Variants in CRPPA observed in about 807,000 individuals in gnomAD.
The protein encoded by CRPPA is CDP-L-ribitol pyrophosphorylase A, also known as D-ribitol-5-phosphate cytidylyltransferase.
A neutral mutation model predicts 52.0 loss-of-function variants in CRPPA; 43 were observed. The ratio of observed to expected loss-of-function variants is 0.83; its 90% CI spans 0.65 to 1.07. The LOEUF is 1.07. Among genes scored for constraint, CRPPA ranks in the 50% least tolerant of loss-of-function variants. The probability of loss-of-function intolerance (pLI) is 0.00; values close to 1 mark genes in which losing one functional copy is unlikely to be tolerated. For synonymous variants in CRPPA, 250 were observed against 203.5 expected, an observed-to-expected ratio of 1.23 and a Z score of -1.94; for missense variants, 629 against 551.7, an observed-to-expected ratio of 1.14 and a Z score of -1.40.
rs371138977 is a variant in CRPPA, at chr7:16,196,489, A to C, written c.1251+19577T>G. On this transcript the variant is annotated intron_variant, in intron 9 of 9. Coordinates refer to ENST00000407010, the MANE Select transcript of CRPPA (RefSeq NM_001101426.4). ...GAAGAAAATAAAATATACAATCAGA[A>C]ATAGTGAGGTTATCTTCGGCTAGGA... 5.3e-5 allele frequency among the ~76,000 whole-genome samples: 8 copies of C among 152,292 alleles called. No individual in the cohort carries two copies. The East Asian group carries it at 1.4e-3, about 26-fold the overall frequency.
intron 3 of CRPPA, among the ~76,000 whole-genome samples, chr7:16,340,527 T>C (rs1356407630): frequency 1.4e-5 from 2 of 143,312 alleles, no homozygotes; most frequent in African/African-American, 2.6e-5. Context: ...AGTAAAACAA[T>C]AAGATAATAG....
chr7:16,419,019 T>C (rs972967220), intron 1 of CRPPA, among the ~76,000 whole-genome samples: 1 of 152,212 alleles, frequency 6.6e-6, no homozygotes, highest in Non-Finnish European at 1.5e-5. Flanking sequence ...TGCCTTCATA[T>C]ATGAGCTATG....
chr7:16,205,427 G>A (rs1038523170), intron 9 of CRPPA, among the ~76,000 whole-genome samples: 1 of 152,088 alleles, frequency 6.6e-6, no homozygotes, highest in Non-Finnish European at 1.5e-5. Flanking sequence ...TATTGGCCAG[G>A]TCACTTGTTA....
chr7:16,219,653 T>A lies in CRPPA; in HGVS notation c.1120-3456A>T, dbSNP rs1382580122. Among the ~76,000 whole-genome samples, 8 of 112,100 alleles carry A rather than the reference T, an allele frequency of 7.1e-5. No individual in the cohort carries two copies. The Admixed American group carries it at 8.4e-4, about 12-fold the overall frequency. The allele number at this position is 112,100 out of a possible 152,430, so 73.5% of individuals were successfully genotyped here. On this transcript the variant is annotated intron_variant, in intron 8 of 9. Transcript: ENST00000407010. ...AGAAATACAAACTACCATCAGAGAA[T>A]ACTACAAACACCTCTACGCAAATAA...
At chr7:16,259,602 T>G (rs1202981269) in intron 6 of CRPPA, among the ~76,000 whole-genome samples, 1 of 151,990 alleles carries the variant, frequency 6.6e-6, no homozygotes, top group African/African-American at 2.4e-5. Context: ...CAAACTTTCC[T>G]AGTAAGATTT....
At chr7:16,219,245 G>T (rs1583440379) in intron 8 of CRPPA, among the ~76,000 whole-genome samples, 1 of 151,082 alleles carries the variant, frequency 6.6e-6, no homozygotes, top group East Asian at 2.0e-4. Context: ...TGAAATCAAT[G>T]AGAACAAAGA....
chr7:16,141,744 C>T (rs534409167), intron 9 of CRPPA, among the ~76,000 whole-genome samples: 1 of 152,306 alleles, frequency 6.6e-6, no homozygotes, highest in African/African-American at 2.4e-5. Flanking sequence ...ATAATATATG[C>T]ATGTACTCAT....
intron 8 of CRPPA, among the ~76,000 whole-genome samples, chr7:16,240,003 C>A (rs1053127249): frequency 4.6e-5 from 7 of 151,948 alleles, no homozygotes; most frequent in Admixed American, 4.6e-4. Flanking sequence ...CTATGAGAAT[C>A]ATTTCTTTAC....
chr7:16,393,681 A>G (rs1346980532), intron 2 of CRPPA, among the ~76,000 whole-genome samples: 1 of 152,140 alleles, frequency 6.6e-6, no homozygotes, highest in Non-Finnish European at 1.5e-5. Flanking sequence ...TAAACCAGGC[A>G]AAAACAAAAA....
At chr7:16,163,457 G>C (rs972020074) in intron 9 of CRPPA, among the ~76,000 whole-genome samples, 1 of 151,872 alleles carries the variant, frequency 6.6e-6, no homozygotes, top group African/African-American at 2.4e-5. Flanking sequence ...GATGGGTCTT[G>C]ACTCTTTATC....
intron 3 of CRPPA, among the ~76,000 whole-genome samples, chr7:16,354,939 T>C (rs567190645): frequency 6.6e-6 from 1 of 152,136 alleles, no homozygotes; most frequent in South Asian, 2.1e-4. Flanking sequence ...CAAATAAAGG[T>C]AGACAATATG....
chr7:16,366,235 C>G (rs1786585257), intron 3 of CRPPA, among the ~76,000 whole-genome samples: 1 of 152,146 alleles, frequency 6.6e-6, no homozygotes, highest in South Asian at 2.1e-4. Context: ...CCCAAAGGTG[C>G]CACCTCTCAA....
At chr7:16,370,458 T>C (rs962776442) in intron 3 of CRPPA, among the ~76,000 whole-genome samples, 1 of 152,100 alleles carries the variant, frequency 6.6e-6, no homozygotes, top group Non-Finnish European at 1.5e-5. Flanking sequence ...CTTGCAGACA[T>C]TCCCCAGCAC....
At chr7:16,244,674 G>T (rs1370874279) in intron 8 of CRPPA, among the ~76,000 whole-genome samples, 1 of 152,128 alleles carries the variant, frequency 6.6e-6, no homozygotes, top group Non-Finnish European at 1.5e-5. Context: ...TGATGACGCT[G>T]CAAATGACAA....
In CRPPA at chr7:16,291,952, C is replaced by G. The variant is rs978900720; in HGVS notation, c.835+9469G>C. On this transcript the variant is annotated intron_variant, in intron 5 of 9. Transcript: ENST00000407010. Reference sequence around the variant, plus strand: ...TAGATATACATACATTTACTTATTTCCATCTGGAAGTAGAAAATTTCAATT... The same window carrying G: ...TAGATATACATACATTTACTTATTTGCATCTGGAAGTAGAAAATTTCAATT... Among the ~76,000 whole-genome samples, 4 of 151,786 alleles carry G rather than the reference C, an allele frequency of 2.6e-5. No individual in the cohort carries two copies. The East Asian group carries it at 7.7e-4, about 29-fold the overall frequency.
Position 16,091,762 on chromosome 7 carries a change from G to T in CRPPA, c.1289C>A (p.Ala430Asp). 6.4e-7 allele frequency: 1 copy of T among 1,559,452 alleles called. No individual in the cohort carries two copies. The highest frequency in any genetic ancestry group is 2.3e-5 in the East Asian group (1 of 42,802). ...CTTGATTAATGAAGCAATAATGATAGCACCTTGCCTTAAACTCTCCTGTAG... is the reference window on the plus strand; with the variant it reads ...CTTGATTAATGAAGCAATAATGATATCACCTTGCCTTAAACTCTCCTGTAG... ...QKLQESLRQG[A>D]IIIASLIKER... Residue 430 changes from alanine (A) to aspartate (D), a missense_variant, in exon 10 of 10, where the codon GCT becomes GAT. Ala to Asp is a moderately radical substitution (Grantham distance 126). Transcript: ENST00000407010.
At chr7:16,399,579 G>T (rs1194654095) in intron 2 of CRPPA, among the ~76,000 whole-genome samples, 1 of 151,852 alleles carries the variant, frequency 6.6e-6, no homozygotes, top group African/African-American at 2.4e-5. Flanking sequence ...TGTGACATGT[G>T]ACAAGCGACT....
chr7:16,255,407 C>T (rs1421902527), intron 8 of CRPPA, among the ~76,000 whole-genome samples: 1 of 152,120 alleles, frequency 6.6e-6, no homozygotes, highest in Non-Finnish European at 1.5e-5. Context: ...CATCAAGTTA[C>T]CAATGACTTT....
intron 9 of CRPPA, among the ~76,000 whole-genome samples, chr7:16,168,987 C>G (rs577021306): frequency 1.2e-4 from 18 of 152,256 alleles, no homozygotes; most frequent in Middle Eastern, 3.4e-3. Context: ...TAGTCAATGT[C>G]AAACTCTATG....
Sources: gnomAD v4.1 joint callset for allele counts (sites outside exome capture counted in the v4.1 genomes callset) on GRCh38, gnomAD v4.1.1 for gene constraint, MANE v1.5 for transcripts, NCBI Gene and HGNC (gene_info 2026-07-23, HGNC 2026-07-21) for gene names.